The following ABCA10 variants were observed in gnomAD, a reference collection of about 807,000 sequenced individuals.
The protein encoded by ABCA10 is ATP-binding cassette sub-family A member 10.
A neutral mutation model predicts 187.5 loss-of-function variants in ABCA10; 169 were observed. The observed-to-expected ratio is 0.90, with a 90% CI of 0.80 to 1.02. The LOEUF is 1.02. Ranked by LOEUF, ABCA10 falls within the 50% of genes least tolerant of loss-of-function variation. The pLI is 0.00. For missense variants in ABCA10, 1,727 were observed against 1,812.4 expected (o/e 0.95, Z 0.86); for synonymous variants, 574 against 601.8 (o/e 0.95, Z 0.68).
rs879085559 is a variant in ABCA10, at chr17:69,227,299, GA to G, written c.-312-15del. On this transcript the variant is annotated splice_polypyrimidine_tract_variant and intron_variant, in intron 1 of 38. Coordinates refer to ENST00000690296, the MANE Select transcript of ABCA10 (RefSeq NM_001377321.1). ...GCAGAGCAATAGCTAGGGGAAAAAA[GA>G]AAAAAAAAAAGTTCAGTTACAGAAA... The G allele has an allele frequency of 1.4e-3, 200 of 138,004 alleles. No homozygotes were observed. Among genetic ancestry groups the G allele is most frequent in the South Asian group, 0.011 (50 of 4,366 alleles). The allele number at this position is 138,004 out of a possible 1,614,324, so 8.5% of individuals were successfully genotyped here.
At chr17:69,179,755 T>C (rs1402787308) in intron 22 of ABCA10, among the ~76,000 whole-genome samples, 4 of 152,208 alleles carry the variant, frequency 2.6e-5, no homozygotes, top group Non-Finnish European at 5.9e-5. Context: ...CCAGAGGCCC[T>C]GGCAAGCTTC....
rs1485997533 is a variant in ABCA10, at chr17:69,148,479, G to A, written c.*348C>T. ...AATAGCTGATACATTTGAAGTTCAG[G>A]CTAAAAACCTCATATTTTTATTTGT... On this transcript the variant is annotated 3_prime_UTR_variant, in exon 39 of 39. Transcript: ENST00000690296. 1 of 173,022 alleles carries A rather than the reference G, an allele frequency of 5.8e-6. No homozygotes were observed. Among genetic ancestry groups the A allele is most frequent in the Non-Finnish European group, 1.2e-5 (1 of 81,594 alleles). 10.7% of individuals were successfully genotyped at this position (173,022 alleles called of 1,614,324 possible). A position where few individuals can be genotyped will look rare whatever the true frequency, so the allele number is the denominator to read the frequency against.
In ABCA10 at chr17:69,187,737, T is replaced by C. The variant is rs766721232; in HGVS notation, c.2274A>G (p.Ala758=). Reference sequence around the variant, plus strand: ...ACTTTAAGAAGCGAAGTGTTGCCACTGCATAGATTTGTCGTCTCCAGAGAG... The same window carrying C: ...ACTTTAAGAAGCGAAGTGTTGCCACCGCATAGATTTGTCGTCTCCAGAGAG... ...SAALWRRQIY[A]VATLRFLKLR... Residue 758 remains alanine, a synonymous_variant, in exon 19 of 39, where the codon GCA becomes GCG. Transcript: ENST00000690296. 2 of 1,613,920 alleles carry C rather than the reference T, an allele frequency of 1.2e-6. No individual in the cohort carries two copies. The highest frequency in any genetic ancestry group is 1.1e-5 in the South Asian group (1 of 91,076).
In ABCA10 at chr17:69,175,549, T is replaced by C. The variant is rs772528212; in HGVS notation, c.2770-36A>G. The C allele has an allele frequency of 6.3e-5, 93 of 1,472,048 alleles. No homozygotes were observed. The South Asian group carries it at 1.0e-3, about 16-fold the overall frequency. The allele number at this position is 1,472,048 out of a possible 1,614,324, so 91.2% of individuals were successfully genotyped here. ...AAAACACATCAGTAAGCTGTTGCAATTGTTACAAATTATACAAACATTATA... is the reference window on the plus strand; with the variant it reads ...AAAACACATCAGTAAGCTGTTGCAACTGTTACAAATTATACAAACATTATA... On this transcript the variant is annotated intron_variant, in intron 22 of 38. Transcript: ENST00000690296.
intron 14 of ABCA10, 40 bp downstream of exon 14, chr17:69,193,453 T>C: frequency 6.3e-7 from 1 of 1,586,520 alleles, no homozygotes; most frequent in Non-Finnish European, 8.6e-7. Flanking sequence ...TGTATATCCT[T>C]CAATCTAAAT....
chr17:69,238,102 C>G (rs1167339842), intron 1 of ABCA10, among the ~76,000 whole-genome samples: 1 of 150,338 alleles, frequency 6.7e-6, no homozygotes, highest in East Asian at 2.0e-4. Flanking sequence ...GCAGAGGTTG[C>G]AGTGAGCTGA....
chr17:69,232,473 G>T (rs1000727355), upstream of ABCA10, among the ~76,000 whole-genome samples: 1 of 151,790 alleles, frequency 6.6e-6, no homozygotes. Flanking sequence ...ACTTAACTTT[G>T]ATAGCAAAGG....
At chr17:69,214,880 T>C (rs772803840) in intron 8 of ABCA10, 29 bp from the exon 9 acceptor site, 1 of 1,433,184 alleles carries the variant, frequency 7.0e-7, no homozygotes, top group South Asian at 1.4e-5. Context: ...AATAAAATGT[T>C]AGATGAACTT....
intron 10 of ABCA10, among the ~76,000 whole-genome samples, chr17:69,200,284 T>C (rs1473357094): frequency 6.6e-6 from 1 of 152,210 alleles, no homozygotes; most frequent in African/African-American, 2.4e-5. Flanking sequence ...GTTATGCTCA[T>C]TTTTAAGATG....
chr17:69,153,459 C>T lies in ABCA10; in HGVS notation c.4041+12G>A, dbSNP rs763649386. 1.2e-5 allele frequency: 19 copies of T among 1,613,966 alleles called. No individual in the cohort carries two copies. The East Asian group carries it at 4.2e-4, about 36-fold the overall frequency. On this transcript the variant is annotated intron_variant, in intron 33 of 38. Transcript: ENST00000690296. ...CATGGGTGCACAGGGAAACCCCGAG[C>T]CTGGCCCATACCTTTCTCTTTATTC...
At chr17:69,214,379 G>C (rs2144837428) in intron 9 of ABCA10, among the ~76,000 whole-genome samples, 1 of 150,744 alleles carries the variant, frequency 6.6e-6, no homozygotes, top group East Asian at 1.9e-4. Flanking sequence ...GCTGGGCGTA[G>C]TGGCGGGCGC....
intron 10 of ABCA10, among the ~76,000 whole-genome samples, chr17:69,197,968 A>G (rs1399771979): frequency 6.6e-6 from 1 of 152,214 alleles, no homozygotes; most frequent in Non-Finnish European, 1.5e-5. Flanking sequence ...CTACACTTGG[A>G]TATCAAACTG....
intron 24 of ABCA10, 66 bp downstream of exon 24, chr17:69,174,541 C>G: frequency 3.4e-6 from 5 of 1,482,514 alleles, no homozygotes; most frequent in Non-Finnish European, 4.5e-6. Flanking sequence ...ACAAAACATT[C>G]ATGAAAATGA....
chr17:69,243,361 G>A (rs1278467889), intron 1 of ABCA10, among the ~76,000 whole-genome samples: 1 of 152,210 alleles, frequency 6.6e-6, no homozygotes, highest in East Asian at 1.9e-4. Flanking sequence ...GATACAGCCT[G>A]TTGGTCCTAG....
intron 36 of ABCA10, among the ~76,000 whole-genome samples, chr17:69,150,706 C>T (rs570521902): frequency 1.2e-3 from 184 of 152,276 alleles, no homozygotes; most frequent in Non-Finnish European, 2.3e-3. Flanking sequence ...ATCCATGTGG[C>T]TATTTAAAGT....
In ABCA10 at chr17:69,155,134, T is replaced by C. The variant is rs746050593; in HGVS notation, c.3579A>G (p.Glu1193=). 6 of 1,594,170 alleles carry C rather than the reference T, an allele frequency of 3.8e-6. No individual in the cohort carries two copies. The African/African-American group carries it at 5.4e-5, about 14-fold the overall frequency. ...GTAAACAGCTTGCAGTTATGACTGG[T>C]TCCTGGAAAACATGACAAAGCATGA... ...NALTAPNLEE[E]PVITASCLHK... Residue 1193 remains glutamate (E), a splice_region_variant and synonymous_variant, in exon 30 of 39, where the codon GAA becomes GAG. Transcript: ENST00000690296.
At chr17:69,230,578 G>A (rs375084686), upstream of ABCA10, among the ~76,000 whole-genome samples, 20 of 151,970 alleles carry the variant, frequency 1.3e-4, no homozygotes, top group East Asian at 1.2e-3. Flanking sequence ...GCACATCCAC[G>A]TTACATAATA....
At chr17:69,184,534 G>A (rs964553845) in intron 20 of ABCA10, among the ~76,000 whole-genome samples, 18 of 152,080 alleles carry the variant, frequency 1.2e-4, no homozygotes, top group Admixed American at 9.8e-4. Flanking sequence ...TGCGAGACCT[G>A]AAGATGGATC....
In ABCA10 at chr17:69,151,907, C is replaced by A. The variant is rs2074131493; in HGVS notation, c.4397+136G>T. 3.0e-6 allele frequency: 4 copies of A among 1,339,708 alleles called. No homozygotes were observed. The South Asian group carries it at 5.9e-5, about 20-fold the overall frequency. 83.0% of individuals were successfully genotyped at this position (1,339,708 alleles called of 1,614,324 possible). ...GTTTAGTTTTTGTAACGCATCCTAG[C>A]AATCCTCAAACAGGTTGTTTTGTGA... On this transcript the variant is annotated intron_variant, in intron 36 of 38. Coordinates refer to ENST00000690296, the MANE Select transcript of ABCA10 (RefSeq NM_001377321.1).
Sources: gnomAD v4.1 joint callset for allele counts (sites outside exome capture counted in the v4.1 genomes callset) on GRCh38, gnomAD v4.1.1 for gene constraint, MANE v1.5 for transcripts, NCBI Gene and HGNC (gene_info 2026-07-23, HGNC 2026-07-21) for gene names.